The following RDH12 variants were observed in gnomAD, a reference collection of about 807,000 sequenced individuals.
The protein encoded by RDH12 is retinol dehydrogenase 12, also known as all-trans and 9-cis retinol dehydrogenase.
In RDH12, 21 loss-of-function variants were observed where a neutral mutation model predicts 34.0. The observed-to-expected ratio is 0.62, with a 90% CI of 0.44 to 0.89. RDH12 has a LOEUF of 0.89. RDH12 is among the 40% of genes least tolerant of loss of function. The probability of loss-of-function intolerance (pLI) is 0.00; values close to 1 mark genes in which losing one functional copy is unlikely to be tolerated. For synonymous variants in RDH12, 198 were observed against 169.9 expected (o/e 1.17, Z -1.29); for missense variants, 394 against 398.6 (o/e 0.99, Z 0.10).
In RDH12 at chr14:67,724,485, T is replaced by G. The variant is rs765504556; in HGVS notation, c.81T>G (p.Ala27=). Residue 27 remains alanine, a synonymous_variant, in exon 4 of 9, where the codon GCT becomes GCG. Transcript: ENST00000551171. ...CCCTTGCCGATAGGAAGTTCTTTGCTGGTGGAGTGTGTAGAACAAATGTGC... is the reference window on the plus strand; with the variant it reads ...CCCTTGCCGATAGGAAGTTCTTTGCGGGTGGAGTGTGTAGAACAAATGTGC... The part of the protein sequence containing the change: ...MVAPSIRKFF[A]GGVCRTNVQL... 5 of 1,609,822 alleles carry G rather than the reference T, an allele frequency of 3.1e-6. No individual in the cohort carries two copies. The highest frequency in any genetic ancestry group is 4.2e-6 in the Non-Finnish European group (5 of 1,177,704).
chr14:67,702,445 T>C (rs1014752698), intron 1 of RDH12, among the ~76,000 whole-genome samples: 1 of 152,122 alleles, frequency 6.6e-6, no homozygotes, highest in African/African-American at 2.4e-5. Context: ...ATAAAAAAAA[T>C]CACACAAAGA....
At chr14:67,730,927 C>G (rs879462183) in intron 8 of RDH12, among the ~76,000 whole-genome samples, 1 of 151,962 alleles carries the variant, frequency 6.6e-6, no homozygotes, top group Admixed American at 6.6e-5. Context: ...ATAAGGGATG[C>G]TCAACCTATA....
At chr14:67,714,646 A>C (rs954026140) in intron 1 of RDH12, 1 of 161,158 alleles carries the variant, frequency 6.2e-6, no homozygotes, top group Non-Finnish European at 1.4e-5. Flanking sequence ...GCAAATCTAC[A>C]AGAAAGGTTA....
intron 1 of RDH12, among the ~76,000 whole-genome samples, chr14:67,711,413 T>G (rs1173045232): frequency 6.6e-6 from 1 of 152,242 alleles, no homozygotes; most frequent in African/African-American, 2.4e-5. Flanking sequence ...ACCAATAATT[T>G]TAAAGCTAGC....
intron 1 of RDH12, among the ~76,000 whole-genome samples, chr14:67,717,000 T>C (rs2038076137): frequency 1.3e-5 from 2 of 152,226 alleles, no homozygotes; most frequent in South Asian, 4.1e-4. Context: ...GTGAAATGCC[T>C]GTTTTACTTC....
chr14:67,724,852 G>T (rs2038166251), intron 4 of RDH12, among the ~76,000 whole-genome samples: 1 of 152,182 alleles, frequency 6.6e-6, no homozygotes, highest in Non-Finnish European at 1.5e-5. Context: ...TCTAAAAGGA[G>T]ATACTAAGTG....
chr14:67,707,895 G>C (rs1189831187), intron 1 of RDH12, among the ~76,000 whole-genome samples: 1 of 152,136 alleles, frequency 6.6e-6, no homozygotes, highest in East Asian at 1.9e-4. Flanking sequence ...TGTAGATAAA[G>C]GTAAGAGGCC....
rs1340346279 is a variant in RDH12 at position 67,726,955 on chromosome 14, A to G, written c.449-26A>G. The G allele has an allele frequency of 2.5e-6, 4 of 1,605,872 alleles. 1 individual carries two copies. The South Asian group carries it at 3.3e-5, about 13-fold the overall frequency. ...AGCCTGGGCTGTCATTCCACTTTCA[A>G]TCTTCCCTGCTGGCTCTCCTCACAG... On this transcript the variant is annotated intron_variant, in intron 6 of 8. Transcript: ENST00000551171.
chr14:67,717,141 T>G (rs564919105), intron 1 of RDH12, among the ~76,000 whole-genome samples: 1 of 152,216 alleles, frequency 6.6e-6, no homozygotes, highest in South Asian at 2.1e-4. Context: ...TATTTAGTTT[T>G]TTTTCCTTTG....
intron 8 of RDH12, among the ~76,000 whole-genome samples, chr14:67,732,567 A>G (rs1161241863): frequency 2.6e-5 from 4 of 151,442 alleles, no homozygotes; most frequent in African/African-American, 9.7e-5. Context: ...ACAGAAAGCA[A>G]CTAAATGATA....
intron 2 of RDH12, among the ~76,000 whole-genome samples, chr14:67,721,698 T>C (rs996262613): frequency 2.0e-5 from 3 of 151,240 alleles, no homozygotes; most frequent in Non-Finnish European, 4.4e-5. Flanking sequence ...CCAGTTTCGT[T>C]TTCCACCAAT....
chr14:67,710,513 C>T (rs548050831), intron 1 of RDH12, among the ~76,000 whole-genome samples: 2 of 152,222 alleles, frequency 1.3e-5, no homozygotes, highest in South Asian at 4.1e-4. Flanking sequence ...AATAACCAGT[C>T]ATGTCATTTT....
chr14:67,720,677 T>G (rs1800960084), intron 1 of RDH12, 171 bp from the exon 2 acceptor site: 1 of 152,264 alleles, frequency 6.6e-6, no homozygotes, highest in Admixed American at 6.5e-5. Flanking sequence ...TTGATTTGTC[T>G]GCCTATTCAC....
intron 8 of RDH12, among the ~76,000 whole-genome samples, chr14:67,732,859 G>A (rs1467564340): frequency 6.6e-6 from 1 of 152,184 alleles, no homozygotes; most frequent in Non-Finnish European, 1.5e-5. Flanking sequence ...GGGATTACAG[G>A]TGTGAGCCAC....
At position 67,713,253 on chromosome 14, in the gene RDH12, C is replaced by T. The variant is rs946159576; in HGVS notation, c.-274-7595C>T. On this transcript the variant is annotated intron_variant, in intron 1 of 8. Coordinates refer to ENST00000551171, the MANE Select transcript of RDH12 (RefSeq NM_152443.3). The stretch of plus-strand genomic sequence containing the variant: ...CCTAGAAGCAGGAAAAACAAACAAA[C>T]AAACAAACAAACAAAAAACAAAACA... Among the ~76,000 whole-genome samples the T allele has an allele frequency of 2.0e-5, 3 of 147,540 alleles. No individual in the cohort carries two copies. In the Admixed American group the frequency reaches 2.0e-4, roughly 10 times the overall value.
rs963233306 is a variant in RDH12, at chr14:67,725,127, T to C, written c.216T>C (p.Asp72=). Residue 72 remains aspartate (D), a synonymous_variant, in exon 5 of 9, where the codon GAT becomes GAC. Coordinates refer to ENST00000551171, the MANE Select transcript of RDH12 (RefSeq NM_152443.3). ...RGARVYIACR[D]VLKGESAASE... is the part of the protein sequence containing the mutation. ...CCCGAGTCTATATTGCCTGCAGAGA[T>C]GTACTGAAGGGGGAGTCTGCTGCCA... 1 of 1,614,166 alleles carries C rather than the reference T, an allele frequency of 6.2e-7. No individual in the cohort carries two copies. Among genetic ancestry groups the C allele is most frequent in the Non-Finnish European group, 8.5e-7 (1 of 1,180,022 alleles).
intron 8 of RDH12, among the ~76,000 whole-genome samples, chr14:67,731,997 G>A (rs560742306): frequency 9.9e-5 from 15 of 151,560 alleles, no homozygotes; most frequent in Non-Finnish European, 1.2e-4. Context: ...CATGTTGGTG[G>A]GTGCCTGTAA....
chr14:67,702,572 T>C (rs1313964454), intron 1 of RDH12, among the ~76,000 whole-genome samples: 3 of 152,206 alleles, frequency 2.0e-5, no homozygotes, highest in Admixed American at 2.0e-4. Flanking sequence ...ATATGTATGT[T>C]GACAATTTTG....
chr14:67,729,669 C>G, intron 8 of RDH12: 1 of 589,956 alleles, frequency 1.7e-6, no homozygotes, highest in Non-Finnish European at 3.1e-6. Context: ...TTGGTTATGC[C>G]ATGGAGATCT....
Sources: gnomAD v4.1 joint callset for allele counts (sites outside exome capture counted in the v4.1 genomes callset) on GRCh38, gnomAD v4.1.1 for gene constraint, MANE v1.5 for transcripts, NCBI Gene and HGNC (gene_info 2026-07-23, HGNC 2026-07-21) for gene names.